Variants in TMEM39B observed in about 807,000 individuals in gnomAD.
The protein encoded by TMEM39B is transmembrane protein 39B.
A neutral mutation model predicts 52.2 loss-of-function variants in TMEM39B; 23 were observed. The observed-to-expected ratio is 0.44, with a 90% confidence interval of 0.32 to 0.62. The LOEUF is 0.62. Ranked by LOEUF, TMEM39B falls within the 20% of genes least tolerant of loss-of-function variation. The probability of loss-of-function intolerance (pLI) is 0.06; values close to 1 mark genes in which losing one functional copy is unlikely to be tolerated. For missense variants in TMEM39B, 547 were observed against 642.0 expected, an observed-to-expected ratio of 0.85 and a Z score of 1.60; for synonymous variants, 285 against 264.0, an observed-to-expected ratio of 1.08 and a Z score of -0.77.
rs757544127 is a variant in TMEM39B at position 32,102,667 on chromosome 1, C to T, written c.1473C>T (p.Phe491=). 3 of 1,567,518 alleles carry T rather than the reference C, an allele frequency of 1.9e-6. No homozygotes were observed. Among genetic ancestry groups the T allele is most frequent in the East Asian group, 4.6e-5 (2 of 43,880 alleles). The stretch of plus-strand genomic sequence containing the variant: ...CCCAGAGAGACCTGGACCACCGTTT[C>T]TCCTGAGCCCTGGGGTCACCTCAGG... ...ASPQRDLDHR[F]S The change falls in exon 9 of 9, where the codon TTC becomes TTT. Residue 491 remains phenylalanine, a synonymous_variant. Transcript: ENST00000336294.
intron 5 of TMEM39B, among the ~76,000 whole-genome samples, chr1:32,085,123 T>C (rs1034638278): frequency 2.0e-5 from 3 of 152,208 alleles, no homozygotes; most frequent in African/African-American, 7.2e-5. Flanking sequence ...TCTAGGACTT[T>C]TTTAACCTGG....
Position 32,075,045 on chromosome 1 carries a change from T to G in TMEM39B, c.99T>G (p.Ser33Arg), listed in dbSNP as rs1639794067. Residue 33 changes from serine to arginine, a missense_variant, in exon 2 of 9, where the codon AGT becomes AGG. By Grantham distance (110) the Ser-to-Arg change is moderately radical. Coordinates refer to ENST00000336294, the MANE Select transcript of TMEM39B (RefSeq NM_018056.4). ...SGGSSGSHTS[S>R]ASVTSVRSRT... is the part of the protein sequence containing the mutation. ...GCTCTAGTGGAAGCCACACTTCCAG[T>G]GCATCGGTGACCAGTGTTCGTTCCC... The G allele has an allele frequency of 6.4e-6, 10 of 1,551,532 alleles. No homozygotes were observed. The highest frequency in any genetic ancestry group is 7.8e-6 in the Non-Finnish European group (9 of 1,146,922).
At chr1:32,079,724 G>C (rs1011688752) in intron 5 of TMEM39B, among the ~76,000 whole-genome samples, 2 of 151,874 alleles carry the variant, frequency 1.3e-5, no homozygotes, top group Non-Finnish European at 2.9e-5. Flanking sequence ...TGGCCTCGCA[G>C]TATTCTATGT....
chr1:32,091,484 G>A (rs1315145280), intron 5 of TMEM39B, among the ~76,000 whole-genome samples, 191 bp from the exon 6 acceptor site: 1 of 152,200 alleles, frequency 6.6e-6, no homozygotes, highest in African/African-American at 2.4e-5. Flanking sequence ...GGCACGTACC[G>A]AGTGGTAATA....
At chr1:32,077,970 A>G (rs1639936872) in intron 5 of TMEM39B, among the ~76,000 whole-genome samples, 1 of 152,026 alleles carries the variant, frequency 6.6e-6, no homozygotes, top group South Asian at 2.1e-4. Context: ...GAGGTGTTGG[A>G]TCTGGCTGCT....
upstream of TMEM39B, chr1:32,072,119 A>G (rs1250068368): frequency 2.0e-5 from 3 of 152,208 alleles, no homozygotes; most frequent in Non-Finnish European, 4.4e-5. Context: ...TATTAATGAA[A>G]TATCTACTAA....
chr1:32,083,409 CTTTTTT>C (rs1052027069), intron 5 of TMEM39B, among the ~76,000 whole-genome samples: 11 of 54,624 alleles, frequency 2.0e-4, no homozygotes, highest in African/African-American at 3.1e-4. Context: ...TAAAGGACTT[CTTTTTT>C]TTTTTTTTTT....
intron 1 of TMEM39B, among the ~76,000 whole-genome samples, chr1:32,074,404 G>T (rs183956891): frequency 3.1e-4 from 47 of 152,276 alleles, no homozygotes; most frequent in African/African-American, 1.1e-3. Context: ...GTTTCCTAAT[G>T]TGTGAAAAAC....
chr1:32,084,017 G>A (rs1205090335), intron 5 of TMEM39B, among the ~76,000 whole-genome samples: 1 of 134,622 alleles, frequency 7.4e-6, no homozygotes, highest in Non-Finnish European at 1.5e-5. Flanking sequence ...ACACACAAAT[G>A]TTCCTAGTGT....
chr1:32,073,830 G>C, intron 1 of TMEM39B: 2 of 985,420 alleles, frequency 2.0e-6, no homozygotes, highest in Non-Finnish European at 2.4e-6. Flanking sequence ...ATGCTACGGC[G>C]TGGGGTGTAT....
In TMEM39B at chr1:32,076,755, C is replaced by G; in HGVS notation, c.352-8C>G. 6.2e-7 allele frequency: 1 copy of G among 1,613,966 alleles called. No individual in the cohort carries two copies. Among genetic ancestry groups the G allele is most frequent in the Non-Finnish European group, 8.5e-7 (1 of 1,179,944 alleles). ...CCACATGACCCCCAGGCCTCTGCCC[C>G]CTGACAGAACTTCCATCTGATCGAC... On this transcript the variant is annotated splice_polypyrimidine_tract_variant and splice_region_variant and intron_variant, in intron 3 of 8. Transcript: ENST00000336294.
At chr1:32,077,735 T>C (rs1022941392) in intron 5 of TMEM39B, among the ~76,000 whole-genome samples, 12 of 152,156 alleles carry the variant, frequency 7.9e-5, no homozygotes, top group African/African-American at 2.9e-4. Context: ...AGCAAACAGC[T>C]GCATGGTTGC....
intron 7 of TMEM39B, among the ~76,000 whole-genome samples, chr1:32,099,847 G>T (rs1569955750): frequency 6.6e-6 from 1 of 152,148 alleles, no homozygotes; most frequent in Non-Finnish European, 1.5e-5. Flanking sequence ...AAGAATTCGA[G>T]ACTAGCCTGG....
intron 6 of TMEM39B, among the ~76,000 whole-genome samples, chr1:32,093,095 G>A (rs904185693): frequency 3.3e-5 from 5 of 152,108 alleles, no homozygotes; most frequent in Non-Finnish European, 5.9e-5. Context: ...GGGCTTGAGA[G>A]AACTTAATCT....
chr1:32,073,122 T>C, intron 1 of TMEM39B, 71 bp downstream of exon 1: 1 of 1,372,214 alleles, frequency 7.3e-7, no homozygotes, highest in South Asian at 1.7e-5. Flanking sequence ...GGCTGCTAAT[T>C]GCTGCTCCAC....
At chr1:32,082,636 A>G (rs1640153882) in intron 5 of TMEM39B, among the ~76,000 whole-genome samples, 1 of 151,242 alleles carries the variant, frequency 6.6e-6, no homozygotes. Flanking sequence ...TTGTATTTTT[A>G]GTAGAGATGG....
intron 7 of TMEM39B, among the ~76,000 whole-genome samples, chr1:32,098,528 C>T (rs374507113): frequency 6.6e-6 from 1 of 151,312 alleles, no homozygotes; most frequent in African/African-American, 2.4e-5. Context: ...GTCAGGAGAT[C>T]GAGGCCATCC....
At chr1:32,078,511 A>T (rs1284318049) in intron 5 of TMEM39B, among the ~76,000 whole-genome samples, 2 of 152,118 alleles carry the variant, frequency 1.3e-5, no homozygotes, top group Non-Finnish European at 2.9e-5. Context: ...ATAATGTCTT[A>T]TAAAAACATT....
intron 3 of TMEM39B, 125 bp downstream of exon 3, chr1:32,075,947 G>C: frequency 1.6e-6 from 1 of 637,770 alleles, no homozygotes; most frequent in South Asian, 2.1e-5. Context: ...TTGGCTCCAT[G>C]CTGAACATGG....
Sources: gnomAD v4.1 joint callset for allele counts (sites outside exome capture counted in the v4.1 genomes callset) on GRCh38, gnomAD v4.1.1 for gene constraint, MANE v1.5 for transcripts, NCBI Gene and HGNC (gene_info 2026-07-23, HGNC 2026-07-21) for gene names.